The following PDILT variants were observed in gnomAD, a reference collection of about 807,000 sequenced individuals.
The protein encoded by PDILT is protein disulfide-isomerase-like protein of the testis.
Under a neutral mutation model 53.7 loss-of-function variants are expected in PDILT, and 43 were observed. That is an observed-to-expected ratio of 0.80 (90% confidence interval 0.63 to 1.03). The LOEUF is 1.03. PDILT is among the 50% of genes least tolerant of loss of function. The pLI is 0.00. For missense variants in PDILT, 727 were observed against 712.3 expected (o/e 1.02, Z -0.24); for synonymous variants, 282 against 274.2 (o/e 1.03, Z -0.28).
intron 8 of PDILT, among the ~76,000 whole-genome samples, chr16:20,367,071 CTTT>C (rs1966219376): frequency 8.3e-6 from 1 of 120,502 alleles, no homozygotes; most frequent in Non-Finnish European, 1.7e-5. Context: ...TTCTTTCTTT[CTTT>C]CTTTCTTTCT....
chr16:20,392,058 G>A (rs1441000286), intron 2 of PDILT, among the ~76,000 whole-genome samples: 1 of 152,060 alleles, frequency 6.6e-6, no homozygotes, highest in East Asian at 1.9e-4. Context: ...GACCATCTCA[G>A]AGGCTGCTGC....
intron 8 of PDILT, among the ~76,000 whole-genome samples, chr16:20,368,977 G>A (rs1966260651): frequency 6.6e-6 from 1 of 152,206 alleles, no homozygotes; most frequent in Non-Finnish European, 1.5e-5. Context: ...GACATAGACA[G>A]TGGGTGACTA....
chr16:20,381,889 AC>A (rs1163646294), intron 3 of PDILT, among the ~76,000 whole-genome samples: 1 of 152,022 alleles, frequency 6.6e-6, no homozygotes, highest in Non-Finnish European at 1.5e-5. Context: ...AAAATCTAAA[AC>A]TTTTATTATT....
chr16:20,395,912 C>T (rs948730225), intron 2 of PDILT, among the ~76,000 whole-genome samples: 5 of 152,234 alleles, frequency 3.3e-5, no homozygotes, highest in African/African-American at 1.2e-4. Flanking sequence ...AGATGCCCAA[C>T]TTACAACCAG....
intron 7 of PDILT, among the ~76,000 whole-genome samples, chr16:20,370,169 C>T (rs367979397): frequency 6.6e-6 from 1 of 152,174 alleles, no homozygotes; most frequent in African/African-American, 2.4e-5. Context: ...ATTCATTAAA[C>T]AAACATTCAT....
At chr16:20,392,122 G>A (rs1356201567) in intron 2 of PDILT, among the ~76,000 whole-genome samples, 2 of 152,088 alleles carry the variant, frequency 1.3e-5, no homozygotes, top group East Asian at 1.9e-4. Context: ...GTGGTGGGAT[G>A]GGGAGAACAG....
At position 20,369,622 on chromosome 16, in the gene PDILT, G is replaced by A; in HGVS notation, c.986C>T (p.Thr329Ile). Residue 329 changes from threonine to isoleucine, a missense_variant, in exon 8 of 12, where the codon ACA becomes ATA. Coordinates refer to ENST00000302451, the MANE Select transcript of PDILT (RefSeq NM_174924.2). ...TTGGACGGATGGGATATCGACCTCT[G>A]TGACCCGGAAGTACTTGAAGACACG... is the stretch of plus-strand genomic sequence containing the variant. Reference protein sequence around the residue: ...NGRVFKYFRVTEVDIPSVQIL... With the variant: ...NGRVFKYFRVIEVDIPSVQIL... 6.2e-7 allele frequency: 1 copy of A among 1,614,212 alleles called. No individual in the cohort carries two copies. Among genetic ancestry groups the A allele is most frequent in the Non-Finnish European group, 8.5e-7 (1 of 1,180,032 alleles).
chr16:20,379,440 A>G (rs1200472847), intron 3 of PDILT, among the ~76,000 whole-genome samples: 2 of 151,814 alleles, frequency 1.3e-5, no homozygotes, highest in Non-Finnish European at 2.9e-5. Context: ...TGCTGGGATT[A>G]CAGGCATGAG....
chr16:20,377,692 T>C (rs553589835), intron 3 of PDILT, among the ~76,000 whole-genome samples: 12 of 152,248 alleles, frequency 7.9e-5, no homozygotes, highest in Admixed American at 3.9e-4. Context: ...CAGTGGCTCA[T>C]GCCTGTAATC....
chr16:20,362,637 G>GCGC, intron 9 of PDILT, 55 bp from the exon 10 acceptor site: 3 of 1,574,992 alleles, frequency 1.9e-6, no homozygotes, highest in Non-Finnish European at 2.6e-6. Context: ...CAGAAAGCTG[G>GCGC]CGCCACCCTA....
At chr16:20,404,160 A>C (rs1966784601) in intron 1 of PDILT, among the ~76,000 whole-genome samples, 1 of 152,092 alleles carries the variant, frequency 6.6e-6, no homozygotes, top group Admixed American at 6.5e-5. Flanking sequence ...TGTTTGTTGA[A>C]TGAATGAATG....
At chr16:20,360,326 G>A (rs1758027572) in intron 11 of PDILT, among the ~76,000 whole-genome samples, 2 of 152,112 alleles carry the variant, frequency 1.3e-5, no homozygotes, top group African/African-American at 4.8e-5. Context: ...GCAAGGAGCT[G>A]TGTGTTACCT....
chr16:20,379,610 C>T (rs911086219), intron 3 of PDILT, among the ~76,000 whole-genome samples: 3 of 152,188 alleles, frequency 2.0e-5, no homozygotes, highest in Non-Finnish European at 4.4e-5. Flanking sequence ...TCACCATGCC[C>T]GGCTGGGGCT....
chr16:20,372,372 C>T lies in PDILT; in HGVS notation c.918+430G>A, dbSNP rs545182554. ...AGCCCAGAATCTTAGCAATTACTTGCCAGACAATCTGTGCTACTCCCCACC... is the reference window on the plus strand; with the variant it reads ...AGCCCAGAATCTTAGCAATTACTTGTCAGACAATCTGTGCTACTCCCCACC... On this transcript the variant is annotated intron_variant, in intron 7 of 11. Transcript: ENST00000302451. Among the ~76,000 whole-genome samples, 3 of 152,278 alleles carry T rather than the reference C, an allele frequency of 2.0e-5. No homozygotes were observed. The South Asian group carries it at 6.2e-4, about 32-fold the overall frequency.
chr16:20,363,690 G>A (rs536586573), intron 9 of PDILT, among the ~76,000 whole-genome samples: 1 of 152,066 alleles, frequency 6.6e-6, no homozygotes, highest in Non-Finnish European at 1.5e-5. Flanking sequence ...TAGATATTAT[G>A]TTATGTTATG....
chr16:20,399,347 AGGT>A lies in PDILT; in HGVS notation c.-7-43_-7-41del, dbSNP rs764499875. Reference sequence around the variant, plus strand: ...GAAGGAACAGAGACCTTATCAACACAGGTGGTGGAGCCCCACGTCATCACCCCC... The same window carrying A: ...GAAGGAACAGAGACCTTATCAACACAGGTGGAGCCCCACGTCATCACCCCC... On this transcript the variant is annotated intron_variant, in intron 1 of 11. Coordinates refer to ENST00000302451, the MANE Select transcript of PDILT (RefSeq NM_174924.2). 2.5e-6 allele frequency: 4 copies of A among 1,597,862 alleles called. No homozygotes were observed. In the Admixed American group the frequency reaches 6.7e-5, roughly 27 times the overall value.
chr16:20,365,159 G>T (rs1014688962), intron 9 of PDILT, among the ~76,000 whole-genome samples: 4 of 152,212 alleles, frequency 2.6e-5, no homozygotes, highest in African/African-American at 9.6e-5. Flanking sequence ...TGTCAGCCAT[G>T]AGCATTATTG....
intron 11 of PDILT, 43 bp downstream of exon 11, chr16:20,360,525 T>C: frequency 2.0e-6 from 3 of 1,503,198 alleles, no homozygotes; most frequent in South Asian, 2.3e-5. Flanking sequence ...CTAGGGATTC[T>C]GTGTGGGACA....
At chr16:20,361,857 T>C (rs1966106027) in intron 10 of PDILT, among the ~76,000 whole-genome samples, 1 of 152,210 alleles carries the variant, frequency 6.6e-6, no homozygotes, top group South Asian at 2.1e-4. Flanking sequence ...ATTGCATTCA[T>C]CCATACTCTT....
Sources: allele counts gnomAD v4.1 joint callset (sites outside exome capture counted in the v4.1 genomes callset), GRCh38; gene constraint gnomAD v4.1.1; transcripts MANE v1.5; gene names NCBI Gene and HGNC (gene_info 2026-07-23, HGNC 2026-07-21).